STX8: variants seen among roughly 807,000 people sequenced by gnomAD.
The protein encoded by STX8 is syntaxin 8, also known as syntaxin-8.
STX8 carries 23 observed loss-of-function variants against 37.5 expected under a neutral mutation model. That is an observed-to-expected ratio of 0.61 (90% CI 0.44 to 0.87). The LOEUF is 0.87. STX8 is among the 40% of genes least tolerant of loss of function. STX8 has a pLI of 0.00. For synonymous variants in STX8, 115 were observed against 99.1 expected, an observed-to-expected ratio of 1.16 and a Z score of -0.95; for missense variants, 313 against 284.7, an observed-to-expected ratio of 1.10 and a Z score of -0.71.
At chr17:9,525,358 T>C (rs1905521045) in intron 4 of STX8, among the ~76,000 whole-genome samples, 1 of 151,784 alleles carries the variant, frequency 6.6e-6, no homozygotes, top group Non-Finnish European at 1.5e-5. Context: ...TTTCTTTTTT[T>C]TTTTTTGAGA....
intron 7 of STX8, among the ~76,000 whole-genome samples, chr17:9,260,652 AAAC>A (rs1372667506): frequency 2.1e-3 from 291 of 137,850 alleles, no homozygotes; most frequent in African/African-American, 7.7e-3. Flanking sequence ...ACAAACAAAC[AAAC>A]AACTGTGGTC....
At chr17:9,268,574 T>A (rs1226878010) in intron 7 of STX8, among the ~76,000 whole-genome samples, 1 of 152,102 alleles carries the variant, frequency 6.6e-6, no homozygotes, top group African/African-American at 2.4e-5. Context: ...CCTAAAGACG[T>A]CCTCCTGTGA....
At chr17:9,490,552 T>C (rs978740254) in intron 6 of STX8, among the ~76,000 whole-genome samples, 4 of 152,144 alleles carry the variant, frequency 2.6e-5, no homozygotes, top group Admixed American at 6.5e-5. Flanking sequence ...TTTGTATTTT[T>C]AGTAGAGATG....
intron 7 of STX8, among the ~76,000 whole-genome samples, chr17:9,268,904 C>T (rs527572609): frequency 1.3e-5 from 2 of 152,256 alleles, no homozygotes; most frequent in East Asian, 3.9e-4. Flanking sequence ...TATTTGAGGC[C>T]AGGCCGGGTG....
intron 6 of STX8, among the ~76,000 whole-genome samples, chr17:9,400,881 TA>T (rs1912590677): frequency 6.6e-6 from 1 of 152,222 alleles, no homozygotes; most frequent in African/African-American, 2.4e-5. Flanking sequence ...GGTCATTTGC[TA>T]ACGTTTCCCC....
At chr17:9,565,556 C>A (rs142261240) in intron 2 of STX8, among the ~76,000 whole-genome samples, 1 of 140,658 alleles carries the variant, frequency 7.1e-6, no homozygotes, top group East Asian at 2.1e-4. Context: ...GGAGAGGTTG[C>A]AGTGAGCTGA....
chr17:9,451,358 C>T (rs1167630376), intron 6 of STX8, among the ~76,000 whole-genome samples: 2 of 152,152 alleles, frequency 1.3e-5, no homozygotes, highest in East Asian at 3.9e-4. Flanking sequence ...CGACAGACAT[C>T]TCAGTTCGAG....
chr17:9,253,311 G>A (rs1194932666), intron 7 of STX8, among the ~76,000 whole-genome samples: 1 of 151,968 alleles, frequency 6.6e-6, no homozygotes, highest in East Asian at 1.9e-4. Flanking sequence ...GTATGTGTGT[G>A]TATGTGAGAA....
chr17:9,319,381 T>C lies in STX8; in HGVS notation c.643+59171A>G, dbSNP rs558990772. On this transcript the variant is annotated intron_variant, in intron 7 of 7. Transcript: ENST00000306357. Reference sequence around the variant, plus strand: ...TTGCAGTGAGCCGAGATTGTGCCACTGCACTCCAGCCTGGGCGACACAGCA... The same window carrying C: ...TTGCAGTGAGCCGAGATTGTGCCACCGCACTCCAGCCTGGGCGACACAGCA... Among the ~76,000 whole-genome samples, 21 of 152,166 alleles carry C rather than the reference T, an allele frequency of 1.4e-4. No homozygotes were observed. The South Asian group carries it at 4.4e-3, about 32-fold the overall frequency.
chr17:9,327,905 C>A (rs1018070783), intron 7 of STX8, among the ~76,000 whole-genome samples: 1 of 147,854 alleles, frequency 6.8e-6, no homozygotes, highest in African/African-American at 2.6e-5. Context: ...CTCCCTCCCT[C>A]CCTTTCCTTC....
intron 6 of STX8, among the ~76,000 whole-genome samples, chr17:9,443,373 A>G (rs1197142485): frequency 1.3e-5 from 2 of 152,242 alleles, no homozygotes. Flanking sequence ...TATGTAAGGG[A>G]GAGCACAAAG....
At chr17:9,277,309 G>C (rs1907710866) in intron 7 of STX8, among the ~76,000 whole-genome samples, 1 of 152,110 alleles carries the variant, frequency 6.6e-6, no homozygotes, top group Admixed American at 6.5e-5. Flanking sequence ...TGGAGCACGG[G>C]GTGTGGATGG....
chr17:9,491,911 T>C lies in STX8; in HGVS notation c.459A>G (p.Ala153=). 3 of 1,608,394 alleles carry C rather than the reference T, an allele frequency of 1.9e-6. No homozygotes were observed. Among genetic ancestry groups the C allele is most frequent in the South Asian group, 1.1e-5 (1 of 89,220 alleles). Residue 153 remains alanine (A), a synonymous_variant, in exon 6 of 8, where the codon GCA becomes GCG. Coordinates refer to ENST00000306357, the MANE Select transcript of STX8 (RefSeq NM_004853.3). ...QQQKIIQEQD[A]GLDALSSIIS... ...TGATAGAGGAAAGGGCATCAAGGCC[T>C]GCGTCCTGTTCTGAAAGAAAAAAGA...
intron 7 of STX8, among the ~76,000 whole-genome samples, chr17:9,355,474 A>AG: frequency 6.7e-6 from 1 of 149,036 alleles, no homozygotes; most frequent in South Asian, 2.1e-4. Flanking sequence ...AGCTGGGACT[A>AG]CAGGCATGCA....
intron 7 of STX8, among the ~76,000 whole-genome samples, chr17:9,258,851 A>C (rs1597568741): frequency 6.6e-6 from 1 of 150,894 alleles, no homozygotes; most frequent in African/African-American, 2.4e-5. Context: ...CCCATTTTCC[A>C]CCCGCCCCAG....
chr17:9,567,386 G>C (rs1440749396), intron 2 of STX8, among the ~76,000 whole-genome samples: 3 of 152,136 alleles, frequency 2.0e-5, no homozygotes, highest in Non-Finnish European at 4.4e-5. Context: ...CTCAAATTTT[G>C]AACTCAGTGT....
chr17:9,473,922 A>C (rs1163589643), intron 6 of STX8, among the ~76,000 whole-genome samples: 4 of 152,218 alleles, frequency 2.6e-5, no homozygotes, highest in African/African-American at 9.6e-5. Flanking sequence ...GACAATTTCA[A>C]AGAAAGGGCT....
At chr17:9,359,370 CACACTG>C (rs1434594492) in intron 7 of STX8, among the ~76,000 whole-genome samples, 2 of 152,058 alleles carry the variant, frequency 1.3e-5, no homozygotes, top group African/African-American at 4.8e-5. Context: ...TCAAGATAAA[CACACTG>C]GCCCTGGGAA....
At chr17:9,569,142 A>T (rs1162631324) in intron 1 of STX8, among the ~76,000 whole-genome samples, 1 of 152,196 alleles carries the variant, frequency 6.6e-6, no homozygotes, top group Non-Finnish European at 1.5e-5. Flanking sequence ...TGTTCTGCCA[A>T]TGAGAAAGCA....
Sources: allele counts gnomAD v4.1 joint callset (sites outside exome capture counted in the v4.1 genomes callset), GRCh38; gene constraint gnomAD v4.1.1; transcripts MANE v1.5; gene names NCBI Gene and HGNC (gene_info 2026-07-23, HGNC 2026-07-21).